Variants in NACC2 observed in about 807,000 individuals in gnomAD.
The protein encoded by NACC2 is NACC family member 2.
A neutral mutation model predicts 25.1 loss-of-function variants in NACC2; 8 were observed. The observed-to-expected ratio is 0.32, with a 90% confidence interval of 0.19 to 0.57. NACC2 has a LOEUF of 0.57. NACC2 is among the 20% of genes least tolerant of loss of function. The pLI, the probability that NACC2 is intolerant of heterozygous loss-of-function variation, is 0.89. For missense variants in NACC2, 644 were observed against 650.2 expected (o/e 0.99, Z 0.10); for synonymous variants, 435 against 294.7 (o/e 1.48, Z -4.88).
At chr9:136,045,765 G>A (rs993866542) in intron 2 of NACC2, among the ~76,000 whole-genome samples, 36 of 152,250 alleles carry the variant, frequency 2.4e-4, no homozygotes, top group East Asian at 9.7e-4. Context: ...TCAGGGCCCC[G>A]TGCTGTCATC....
chr9:136,078,429 T>G (rs1261187468), intron 1 of NACC2, among the ~76,000 whole-genome samples: 1 of 152,238 alleles, frequency 6.6e-6, no homozygotes, highest in Non-Finnish European at 1.5e-5. Flanking sequence ...AATCTTTAAA[T>G]GGCAATCCTT....
intron 5 of NACC2, 137 bp from the exon 6 acceptor site, chr9:136,012,161 C>G: frequency 3.6e-6 from 4 of 1,112,130 alleles, no homozygotes; most frequent in Middle Eastern, 2.4e-4. Context: ...TGGGGCTCTC[C>G]TGGCCTCAGC....
At chr9:136,082,856 A>G (rs749931223) in intron 1 of NACC2, among the ~76,000 whole-genome samples, 1 of 152,194 alleles carries the variant, frequency 6.6e-6, no homozygotes, top group African/African-American at 2.4e-5. Flanking sequence ...GACAGACACC[A>G]TCTTCCATAA....
At chr9:136,052,324 C>T (rs1840857513) in intron 1 of NACC2, among the ~76,000 whole-genome samples, 1 of 152,216 alleles carries the variant, frequency 6.6e-6, no homozygotes, top group African/African-American at 2.4e-5. Context: ...AGTAAACTGC[C>T]TCCCGGCCTT....
intron 1 of NACC2, among the ~76,000 whole-genome samples, chr9:136,070,697 GAAGC>G (rs1564238640): frequency 6.8e-6 from 1 of 147,778 alleles, no homozygotes; most frequent in Non-Finnish European, 1.5e-5. Context: ...CCAAAAACTT[GAAGC>G]AAGCAGAAGA....
rs531594987 is a variant in NACC2, at chr9:136,010,840, C to T, written c.*676G>A. On this transcript the variant is annotated 3_prime_UTR_variant, in exon 6 of 6. Coordinates refer to ENST00000277554, the MANE Select transcript of NACC2 (RefSeq NM_144653.5). This position sits in a 1 kb window ranked among gnomAD's most constrained non-coding sequence, Gnocchi z 4.9. ...CAGAGCCGAGACGGATCGGGCAGAA[C>T]AAGGACAGGGTGTGGGGGCAGAGTA... is the stretch of plus-strand genomic sequence containing the variant. 6.6e-6 allele frequency: 1 copy of T among 152,352 alleles called. No individual in the cohort carries two copies. The highest frequency in any genetic ancestry group is 1.5e-5 in the Non-Finnish European group (1 of 68,096). The allele number at this position is 152,352 out of a possible 1,614,324, so 9.4% of individuals were successfully genotyped here.
intron 1 of NACC2, among the ~76,000 whole-genome samples, chr9:136,075,676 T>A (rs1029381741): frequency 1.3e-5 from 2 of 152,152 alleles, no homozygotes; most frequent in African/African-American, 2.4e-5. Flanking sequence ...TGTCCTGAGC[T>A]CCCTGTGCCC....
chr9:136,056,967 G>C (rs1348272697), intron 1 of NACC2, among the ~76,000 whole-genome samples: 2 of 152,208 alleles, frequency 1.3e-5, no homozygotes, highest in African/African-American at 2.4e-5. Context: ...ACAGATAGAG[G>C]GGATGAAGCC....
intron 2 of NACC2, among the ~76,000 whole-genome samples, chr9:136,047,020 C>T (rs1338694372): frequency 6.6e-6 from 1 of 152,282 alleles, no homozygotes; most frequent in East Asian, 1.9e-4. Context: ...GGCAATCGCT[C>T]AGGCCCGCCT....
At chr9:136,037,368 C>T (rs894605140) in intron 2 of NACC2, among the ~76,000 whole-genome samples, 2 of 151,970 alleles carry the variant, frequency 1.3e-5, no homozygotes, top group Admixed American at 1.3e-4. Context: ...GAACTACAGG[C>T]ACACACCACA....
rs115235702 is a variant in NACC2, at chr9:136,086,221, G to A, written c.-60+8968C>T. ...CCATGGGCCTTCAGAGCAGCAAAGCGCAGTGCCTGCCTTCCTGTGAGAGAA... is the reference window on the plus strand; with the variant it reads ...CCATGGGCCTTCAGAGCAGCAAAGCACAGTGCCTGCCTTCCTGTGAGAGAA... On this transcript the variant is annotated intron_variant, in intron 1 of 5. Coordinates refer to ENST00000277554, the MANE Select transcript of NACC2 (RefSeq NM_144653.5). The surrounding 1 kb of genome is among the most constrained non-coding windows in gnomAD (Gnocchi z 5.6). 9.7e-3 allele frequency among the ~76,000 whole-genome samples: 1,480 copies of A among 152,350 alleles called. 21 individuals carry two copies. The highest frequency in any genetic ancestry group is 0.033 in the African/African-American group (1,378 of 41,582).
intron 1 of NACC2, among the ~76,000 whole-genome samples, chr9:136,060,064 C>CATCT (rs1840987131): frequency 6.6e-6 from 1 of 152,256 alleles, no homozygotes; most frequent in Non-Finnish European, 1.5e-5. Flanking sequence ...CGGCTGCCCG[C>CATCT]ATCTGCCCTG....
chr9:136,050,575 G>T lies in NACC2; in HGVS notation c.-54C>A. 1 of 723,576 alleles carries T rather than the reference G, an allele frequency of 1.4e-6. No homozygotes were observed. Among genetic ancestry groups the T allele is most frequent in the Non-Finnish European group, 2.5e-6 (1 of 398,662 alleles). 44.8% of individuals were successfully genotyped at this position (723,576 alleles called of 1,614,324 possible). On this transcript the variant is annotated 5_prime_UTR_variant, in exon 2 of 6. Transcript: ENST00000277554. ...CTCAGCGCGGGGCGGCCCTAGCGGG[G>T]CTCATCTGTGGGGGGCAGGAGGCAC...
At chr9:136,068,431 A>G (rs1255523548) in intron 1 of NACC2, among the ~76,000 whole-genome samples, 2 of 147,812 alleles carry the variant, frequency 1.4e-5, no homozygotes, top group Admixed American at 6.8e-5. Context: ...CCCAGGAGGC[A>G]GAGGTTGCAG....
chr9:136,085,562 G>T (rs959929086), intron 1 of NACC2, among the ~76,000 whole-genome samples: 2 of 152,108 alleles, frequency 1.3e-5, no homozygotes, highest in African/African-American at 4.8e-5. Context: ...TGTACTGAGG[G>T]GTCTGCACTG....
At chr9:136,029,837 C>G (rs114977604) in intron 2 of NACC2, among the ~76,000 whole-genome samples, 3,234 of 152,242 alleles carry the variant, frequency 0.021, 111 homozygotes, top group African/African-American at 0.073. Flanking sequence ...CTCACACACC[C>G]CTTGCTGCTC....
At chr9:136,012,400 C>A (rs1564215789) in intron 5 of NACC2, among the ~76,000 whole-genome samples, 2 of 152,276 alleles carry the variant, frequency 1.3e-5, no homozygotes, top group Non-Finnish European at 1.5e-5. Flanking sequence ...GTCCCAGTCC[C>A]AGCCTGGAGG....
Position 136,034,002 on chromosome 9 carries a change from G to A in NACC2, c.886+15634C>T, listed in dbSNP as rs1164072471. Among the ~76,000 whole-genome samples the A allele has an allele frequency of 1.3e-4, 20 of 150,720 alleles. 1 individual carries two copies. The East Asian group carries it at 3.1e-3, about 23-fold the overall frequency. On this transcript the variant is annotated intron_variant, in intron 2 of 5. Coordinates refer to ENST00000277554, the MANE Select transcript of NACC2 (RefSeq NM_144653.5). ...AAATGCAAAAAATAGCCAACGCAAG[G>A]CAAATCATAAGGAACTCAAACCTGA...
chr9:136,046,759 C>T (rs1243524847), intron 2 of NACC2, among the ~76,000 whole-genome samples: 1 of 152,168 alleles, frequency 6.6e-6, no homozygotes, highest in South Asian at 2.1e-4. Context: ...GGTGGTGACG[C>T]GGGACCTGGA....
Sources: gnomAD v4.1 joint callset for allele counts (sites outside exome capture counted in the v4.1 genomes callset) on GRCh38, gnomAD v4.1.1 for gene constraint, Gnocchi (gnomAD v3.1) non-coding constraint, MANE v1.5 for transcripts, NCBI Gene and HGNC (gene_info 2026-07-23, HGNC 2026-07-21) for gene names.